Variants in DLGAP5 observed in about 807,000 individuals in gnomAD.
DLGAP5 encodes the protein DLG associated protein 5.
A neutral mutation model predicts 99.6 loss-of-function variants in DLGAP5; 90 were observed. The observed-to-expected ratio is 0.90, with a 90% CI of 0.76 to 1.08. The LOEUF is 1.08. DLGAP5 is among the 50% of genes least tolerant of loss of function. The pLI, the probability that DLGAP5 is intolerant of heterozygous loss-of-function variation, is 0.00. For missense variants in DLGAP5, 1,036 were observed against 983.5 expected, an observed-to-expected ratio of 1.05 and a Z score of -0.71; for synonymous variants, 311 against 321.3, an observed-to-expected ratio of 0.97 and a Z score of 0.34.
chr14:55,175,565 T>G (rs943926725), intron 9 of DLGAP5, 93 bp from the exon 10 acceptor site: 7 of 838,340 alleles, frequency 8.3e-6, no homozygotes, highest in Non-Finnish European at 1.3e-5. Context: ...TCCTTTTCAA[T>G]GTTTAATTTT....
intron 14 of DLGAP5, among the ~76,000 whole-genome samples, chr14:55,155,680 G>C (rs886329463): frequency 6.6e-5 from 10 of 152,026 alleles, no homozygotes; most frequent in Non-Finnish European, 1.3e-4. Flanking sequence ...ACTCTACAAG[G>C]ACAAAGGAAA....
Position 55,189,132 on chromosome 14 carries a change from A to G in DLGAP5, c.48T>C (p.Thr16=), listed in dbSNP as rs1439666014. The change falls in exon 2 of 19, where the codon ACT becomes ACC. Residue 16 remains threonine (T), a synonymous_variant. Transcript: ENST00000247191. ...GAGCAATTTTAGTTCTAATCATTTC[A>G]GTACTTATATCCTTCCTGTGTCGAC... The part of the protein sequence containing the change: ...FASRHRKDIS[T]EMIRTKIAHR... 6.2e-7 allele frequency: 1 copy of G among 1,613,802 alleles called. No individual in the cohort carries two copies. Among genetic ancestry groups the G allele is most frequent in the African/African-American group, 1.3e-5 (1 of 74,924 alleles).
At chr14:55,187,623 TTTTC>T (rs948299652) in intron 2 of DLGAP5, among the ~76,000 whole-genome samples, 8 of 24,600 alleles carry the variant, frequency 3.3e-4, no homozygotes, top group Middle Eastern at 0.029. Context: ...GACCTGATCC[TTTTC>T]TTTTTTTTTT....
At position 55,162,966 on chromosome 14, in the gene DLGAP5, C is replaced by A; in HGVS notation, c.1653+5G>T. 6.6e-7 allele frequency: 1 copy of A among 1,517,118 alleles called. No individual in the cohort carries two copies. Among genetic ancestry groups the A allele is most frequent in the Non-Finnish European group, 8.9e-7 (1 of 1,124,140 alleles). The allele number at this position is 1,517,118 out of a possible 1,614,324, so 94.0% of individuals were successfully genotyped here. A position where few individuals can be genotyped will look rare whatever the true frequency, so the allele number is the denominator to read the frequency against. ...AAAAATTGGATATAAAACCCACAAA[C>A]TTACCCTAAAGACATTTTTGTTCAT... On this transcript the variant is annotated splice_donor_5th_base_variant and intron_variant, in intron 13 of 18. Coordinates refer to ENST00000247191, the MANE Select transcript of DLGAP5 (RefSeq NM_014750.5).
rs1883098264 is a variant in DLGAP5 at position 55,177,149 on chromosome 14, T to A, written c.962A>T (p.Lys321Met). The change falls in exon 8 of 19, where the codon AAG (lysine) becomes ATG (methionine). Residue 321 changes from lysine (K) to methionine (M), a missense_variant. By Grantham distance (95) the Lys-to-Met change is moderately conservative. Transcript: ENST00000247191. Reference sequence around the variant, plus strand: ...AGTCATAGGTGTTACTTGATAGGTCTTCAGACCATCCAGTGGCTGAAACAT... The same window carrying A: ...AGTCATAGGTGTTACTTGATAGGTCATCAGACCATCCAGTGGCTGAAACAT... ...DFMFQPLDGL[K>M]TYQVTPMTPR... 6.2e-7 allele frequency: 1 copy of A among 1,610,012 alleles called. No individual in the cohort carries two copies. Among genetic ancestry groups the A allele is most frequent in the African/African-American group, 1.3e-5 (1 of 74,660 alleles).
At position 55,180,752 on chromosome 14, in the gene DLGAP5, A is replaced by C; in HGVS notation, c.607T>G (p.Leu203Val). The C allele has an allele frequency of 6.2e-7, 1 of 1,614,152 alleles. No homozygotes were observed. The highest frequency in any genetic ancestry group is 8.5e-7 in the Non-Finnish European group (1 of 1,180,014). Reference protein sequence around the residue: ...KVVQPVMPTSLRMTRSATQAA... With the variant: ...KVVQPVMPTSVRMTRSATQAA... ...TGAGTAGCTGATCGAGTCATTCTCA[A>C]CGACGTGGGCATTACAGGCTGCACA... is the stretch of plus-strand genomic sequence containing the variant. Residue 203 changes from leucine to valine, a missense_variant, in exon 6 of 19, where the codon TTG becomes GTG. Transcript: ENST00000247191.
At position 55,151,697 on chromosome 14, in the gene DLGAP5, G is replaced by T; in HGVS notation, c.2366C>A (p.Ser789Ter). 6.2e-7 allele frequency: 1 copy of T among 1,611,962 alleles called. No individual in the cohort carries two copies. The highest frequency in any genetic ancestry group is 1.1e-5 in the South Asian group (1 of 90,700). Residue 789 changes from serine (S) to a stop codon, truncating the protein, a stop_gained and splice_region_variant, in exon 17 of 19, where the codon TCA becomes TAA. Transcript: ENST00000247191. LOFTEE classifies it high-confidence loss of function. ...TAAATATATTTTAAATATCTCACCT[G>T]ACTGAGAAATTTTAGTTTCCCCTTC... ...LEEGETKISQSELFDNKSLTT... is the reference protein window; with the variant it reads ...LEEGETKISQ
At chr14:55,184,670 G>A (rs913052095) in intron 2 of DLGAP5, among the ~76,000 whole-genome samples, 2 of 152,180 alleles carry the variant, frequency 1.3e-5, no homozygotes, top group African/African-American at 4.8e-5. Flanking sequence ...CAGGTGCCAT[G>A]TGGGGCCTTA....
intron 17 of DLGAP5, 34 bp from the exon 18 acceptor site, chr14:55,150,882 T>C: frequency 1.4e-6 from 2 of 1,419,622 alleles, no homozygotes; most frequent in Non-Finnish European, 9.7e-7. Context: ...TTTTAAAGAA[T>C]ATTCTCACAT....
chr14:55,149,056 G>T (rs577451550), intron 18 of DLGAP5, among the ~76,000 whole-genome samples: 18 of 152,126 alleles, frequency 1.2e-4, no homozygotes, highest in African/African-American at 3.9e-4. Flanking sequence ...AATAATTTGG[G>T]TCTAAAATAG....
intron 12 of DLGAP5, among the ~76,000 whole-genome samples, chr14:55,165,883 C>T (rs563711896): frequency 2.0e-5 from 3 of 152,138 alleles, no homozygotes; most frequent in Admixed American, 1.3e-4. Flanking sequence ...TAAGGGGGGG[C>T]TACTATAATA....
rs780025085 is a variant in DLGAP5 at position 55,182,397 on chromosome 14, C to G, written c.468G>C (p.Lys156Asn). 1 of 1,612,824 alleles carries G rather than the reference C, an allele frequency of 6.2e-7. No individual in the cohort carries two copies. Among genetic ancestry groups the G allele is most frequent in the Admixed American group, 1.7e-5 (1 of 59,950 alleles). Residue 156 changes from lysine (K) to asparagine (N), a missense_variant, in exon 4 of 19, where the codon AAG becomes AAC. Physicochemically the swap from Lys to Asn is moderately conservative, Grantham distance 94 (BLOSUM62 0). Transcript: ENST00000247191. ...IPSSVRITRSKAKDQMEQTKI... is the reference protein window; with the variant it reads ...IPSSVRITRSNAKDQMEQTKI... The stretch of plus-strand genomic sequence containing the variant: ...TAGTCTGCTCCATTTGGTCTTTGGC[C>G]TTTGACCTTGTAATCCGTACAGAAG...
intron 8 of DLGAP5, among the ~76,000 whole-genome samples, chr14:55,176,655 A>G (rs1196847595): frequency 6.6e-6 from 1 of 152,158 alleles, no homozygotes; most frequent in Non-Finnish European, 1.5e-5. Context: ...TTCACTAATA[A>G]TAACTTTTTA....
Position 55,154,121 on chromosome 14 carries a change from TC to T in DLGAP5, c.2063+495del, listed in dbSNP as rs963776498. ...TAACAGTTGTTCAGTACACATTAAC[TC>T]CCCCCCCTTCAATATGCTCTGCCAT... On this transcript the variant is annotated intron_variant, in intron 15 of 18. Transcript: ENST00000247191. Among the ~76,000 whole-genome samples the T allele has an allele frequency of 2.0e-3, 306 of 150,958 alleles. 1 individual carries two copies. The highest frequency in any genetic ancestry group is 6.7e-3 in the African/African-American group (275 of 41,144).
intron 2 of DLGAP5, among the ~76,000 whole-genome samples, chr14:55,185,907 C>T (rs193272583): frequency 3.3e-5 from 5 of 152,348 alleles, no homozygotes; most frequent in Admixed American, 3.3e-4. Context: ...CATTTTGCTG[C>T]AGTTGTTTAA....
At chr14:55,169,294 TTACAGG>T (rs1882763335) in intron 12 of DLGAP5, 99 bp downstream of exon 12, 1 of 673,358 alleles carries the variant, frequency 1.5e-6, no homozygotes, top group Non-Finnish European at 2.2e-6. Flanking sequence ...TTATTTAATA[TTACAGG>T]TACATAAGCA....
At chr14:55,174,185 C>T (rs765488635) in intron 10 of DLGAP5, among the ~76,000 whole-genome samples, 9 of 152,162 alleles carry the variant, frequency 5.9e-5, no homozygotes, top group African/African-American at 1.2e-4. Context: ...TGGGCGTGGC[C>T]GTCTCTTACT....
chr14:55,176,158 G>A, intron 8 of DLGAP5, 140 bp from the exon 9 acceptor site: 3 of 662,850 alleles, frequency 4.5e-6, no homozygotes, highest in South Asian at 6.2e-5. Flanking sequence ...TTCTGGAGGG[G>A]AGAAAATGTA....
At chr14:55,180,625 G>A (rs1260802443) in intron 6 of DLGAP5, 31 bp downstream of exon 6, 1 of 1,613,208 alleles carries the variant, frequency 6.2e-7, no homozygotes, top group South Asian at 1.1e-5. Flanking sequence ...AAACATTCTA[G>A]TTCAGTCACT....
Sources: allele counts gnomAD v4.1 joint callset (sites outside exome capture counted in the v4.1 genomes callset), GRCh38; gene constraint gnomAD v4.1.1; transcripts MANE v1.5; gene names NCBI Gene and HGNC (gene_info 2026-07-23, HGNC 2026-07-21).